The following UBE4B variants were observed in gnomAD, a reference collection of about 807,000 sequenced individuals.
UBE4B encodes ubiquitination factor E4B, also known as ubiquitin conjugation factor E4 B.
UBE4B carries 27 observed loss-of-function variants against 148.1 expected under a neutral mutation model. That is an observed-to-expected ratio of 0.18 (90% CI 0.13 to 0.25). The LOEUF is 0.25. Ranked by LOEUF, UBE4B falls within the 10% of genes least tolerant of loss-of-function variation. The pLI is 1.00. For synonymous variants in UBE4B, 596 were observed against 619.3 expected (o/e 0.96, Z 0.56); for missense variants, 1,170 against 1,662.4 (o/e 0.70, Z 5.15).
intron 1 of UBE4B, among the ~76,000 whole-genome samples, chr1:10,062,136 T>G (rs1056479426): frequency 6.6e-6 from 1 of 151,824 alleles, no homozygotes; most frequent in African/African-American, 2.4e-5. Flanking sequence ...TCTCGATTTC[T>G]TGACCTCGTG....
intron 2 of UBE4B, among the ~76,000 whole-genome samples, chr1:10,080,944 G>A (rs1248760498): frequency 3.3e-5 from 5 of 152,136 alleles, no homozygotes; most frequent in Non-Finnish European, 7.4e-5. Context: ...TGATCGAAGG[G>A]TACAAAATTT....
At chr1:10,035,653 G>T (rs1278018582) in intron 1 of UBE4B, among the ~76,000 whole-genome samples, 2 of 150,238 alleles carry the variant, frequency 1.3e-5, no homozygotes, top group Non-Finnish European at 3.0e-5. Flanking sequence ...TGATCTGCCC[G>T]CCTCGGCCTC....
chr1:10,064,409 T>C (rs1298873629), intron 1 of UBE4B, among the ~76,000 whole-genome samples: 2 of 152,236 alleles, frequency 1.3e-5, no homozygotes, highest in East Asian at 3.8e-4. Flanking sequence ...TTGTAGTATT[T>C]CTATGCATAC....
chr1:10,041,858 C>T (rs545662030), intron 1 of UBE4B, among the ~76,000 whole-genome samples: 8 of 151,924 alleles, frequency 5.3e-5, no homozygotes, highest in African/African-American at 1.7e-4. Context: ...CACTACTGCC[C>T]GGCTAATTTT....
chr1:10,144,409 CAA>C (rs200027159), intron 17 of UBE4B, among the ~76,000 whole-genome samples: 349 of 152,016 alleles, frequency 2.3e-3, no homozygotes, highest in African/African-American at 8.3e-3. Flanking sequence ...GCCATCCATT[CAA>C]AGACACATCA....
At chr1:10,169,703 C>T (rs914932298) in intron 24 of UBE4B, among the ~76,000 whole-genome samples, 7 of 152,174 alleles carry the variant, frequency 4.6e-5, no homozygotes, top group Non-Finnish European at 8.8e-5. Context: ...GAAGACTAAG[C>T]GAAAACACAC....
At chr1:10,065,129 A>G (rs1644363632) in intron 1 of UBE4B, among the ~76,000 whole-genome samples, 1 of 152,194 alleles carries the variant, frequency 6.6e-6, no homozygotes, top group African/African-American at 2.4e-5. Context: ...ATTTTTTGTT[A>G]CATTCACTTT....
At chr1:10,038,328 A>G (rs1449534615) in intron 1 of UBE4B, among the ~76,000 whole-genome samples, 3 of 152,146 alleles carry the variant, frequency 2.0e-5, no homozygotes, top group African/African-American at 7.2e-5. Flanking sequence ...ATTCCTTTCC[A>G]AATGCAGAAT....
intron 1 of UBE4B, among the ~76,000 whole-genome samples, chr1:10,065,103 C>T (rs1295056006): frequency 2.0e-5 from 3 of 152,100 alleles, no homozygotes; most frequent in Non-Finnish European, 2.9e-5. Flanking sequence ...AATGACTCAC[C>T]TAGATTCATC....
At chr1:10,052,039 T>TG (rs1352243984) in intron 1 of UBE4B, among the ~76,000 whole-genome samples, 1 of 152,072 alleles carries the variant, frequency 6.6e-6, no homozygotes, top group African/African-American at 2.4e-5. Context: ...TGTCAGTGCT[T>TG]GGTATAAATT....
intron 1 of UBE4B, among the ~76,000 whole-genome samples, chr1:10,040,551 A>C (rs981391956): frequency 6.6e-6 from 1 of 151,882 alleles, no homozygotes; most frequent in Non-Finnish European, 1.5e-5. Context: ...ACCACCAAAA[A>C]GATGAGTCCA....
intron 1 of UBE4B, among the ~76,000 whole-genome samples, chr1:10,057,792 T>G (rs1644204928): frequency 6.6e-6 from 1 of 152,002 alleles, no homozygotes; most frequent in Non-Finnish European, 1.5e-5. Context: ...TGCTAGAAGT[T>G]GGCCTTTGTA....
At chr1:10,039,912 A>G (rs1643691295) in intron 1 of UBE4B, among the ~76,000 whole-genome samples, 2 of 152,048 alleles carry the variant, frequency 1.3e-5, no homozygotes, top group Non-Finnish European at 2.9e-5. Flanking sequence ...GAACTAAGGC[A>G]TTGCCTGTGG....
At position 10,136,006 on chromosome 1, in the gene UBE4B, G is replaced by A. The variant is rs1367654727; in HGVS notation, c.2224+820G>A. Among the ~76,000 whole-genome samples, 4 of 148,772 alleles carry A rather than the reference G, an allele frequency of 2.7e-5. No individual in the cohort carries two copies. The South Asian group carries it at 6.2e-4, about 23-fold the overall frequency. ...AATTTTGTTTACATAAATCCTCCCA[G>A]TAGTAACATTATTTATAATAGAAAA... On this transcript the variant is annotated intron_variant, in intron 16 of 27. Transcript: ENST00000343090.
At chr1:10,173,564 G>A (rs1646370356) in intron 25 of UBE4B, among the ~76,000 whole-genome samples, 1 of 151,932 alleles carries the variant, frequency 6.6e-6, no homozygotes, top group Non-Finnish European at 1.5e-5. Flanking sequence ...ATACTGCACT[G>A]ATTTAGAAAC....
At chr1:10,074,315 T>C (rs79872859) in intron 2 of UBE4B, among the ~76,000 whole-genome samples, 2 of 151,822 alleles carry the variant, frequency 1.3e-5, no homozygotes, top group East Asian at 3.9e-4. Context: ...TTCTCTCTCT[T>C]GCTTCATCAG....
chr1:10,111,136 C>T (rs1283180098), intron 7 of UBE4B, among the ~76,000 whole-genome samples: 4 of 150,176 alleles, frequency 2.7e-5, no homozygotes, highest in African/African-American at 7.4e-5. Flanking sequence ...CAGTGATTTC[C>T]CTTCTCACAC....
Position 10,126,352 on chromosome 1 carries a change from T to TAGAA in UBE4B, c.1555-439_1555-436dup, listed in dbSNP as rs1250815907. Among the ~76,000 whole-genome samples the TAGAA allele has an allele frequency of 2.4e-3, 353 of 144,332 alleles. 6 individuals carry two copies. Among genetic ancestry groups the TAGAA allele is most frequent in the African/African-American group, 8.8e-3 (329 of 37,560 alleles). The allele number at this position is 144,332 out of a possible 152,430, so 94.7% of individuals were successfully genotyped here. On this transcript the variant is annotated intron_variant, in intron 10 of 27. Coordinates refer to ENST00000343090, the MANE Select transcript of UBE4B (RefSeq NM_001105562.3). The stretch of plus-strand genomic sequence containing the variant: ...ATAGATAGATAGATAGATAGATAGA[T>TAGAA]AGAAAGGAGGAAATATTGGAACATT...
In UBE4B at chr1:10,137,352, T is replaced by C. The variant is rs1489467690; in HGVS notation, c.2363+147T>C. 4.8e-6 allele frequency: 5 copies of C among 1,036,032 alleles called. 1 individual carries two copies. The highest frequency in any genetic ancestry group is 3.2e-5 in the African/African-American group (2 of 63,298). The allele number at this position is 1,036,032 out of a possible 1,614,324, so 64.2% of individuals were successfully genotyped here. A position where few individuals can be genotyped will look rare whatever the true frequency, so the allele number is the denominator to read the frequency against. ...CTGTCTGCCTCCACCGCCACATCCA[T>C]GTTGCTCAGTTGTCCAGAGTTCTTT... On this transcript the variant is annotated intron_variant, in intron 17 of 27. Coordinates refer to ENST00000343090, the MANE Select transcript of UBE4B (RefSeq NM_001105562.3).
Sources: allele counts gnomAD v4.1 joint callset (sites outside exome capture counted in the v4.1 genomes callset), GRCh38; gene constraint gnomAD v4.1.1; transcripts MANE v1.5; gene names NCBI Gene and HGNC (gene_info 2026-07-23, HGNC 2026-07-21).